Variants in EEFSEC observed in about 807,000 individuals in gnomAD.
The protein encoded by EEFSEC is selenocysteine-specific elongation factor.
In EEFSEC, 43 loss-of-function variants were observed where a neutral mutation model predicts 42.1. The observed-to-expected ratio is 1.02, with a 90% CI of 0.80 to 1.32. The LOEUF is 1.32. Ranked by LOEUF, EEFSEC falls within the 40% of genes most tolerant of loss-of-function variation. The pLI, the probability that EEFSEC is intolerant of heterozygous loss-of-function variation, is 0.00. For synonymous variants in EEFSEC, 354 were observed against 339.1 expected (o/e 1.04, Z -0.48); for missense variants, 745 against 803.6 (o/e 0.93, Z 0.88).
rs2066824376 is a variant in EEFSEC at position 128,306,142 on chromosome 3, T to C, written c.787-35091T>C. On this transcript the variant is annotated intron_variant, in intron 4 of 6. Coordinates refer to ENST00000254730, the MANE Select transcript of EEFSEC (RefSeq NM_021937.5). ...AGAATATGGTCTGTGTCATGTCAGC[T>C]GTTTGGAGTTTATTGAGTTTTCCTT... 2.0e-5 allele frequency among the ~76,000 whole-genome samples: 3 copies of C among 152,364 alleles called. No individual in the cohort carries two copies. In the South Asian group the frequency reaches 6.2e-4, roughly 32 times the overall value.
chr3:128,375,189 T>G (rs1365899366), intron 6 of EEFSEC, among the ~76,000 whole-genome samples: 1 of 152,096 alleles, frequency 6.6e-6, no homozygotes, highest in Non-Finnish European at 1.5e-5. Context: ...TGAGTTCGAG[T>G]GTGTTTCTCT....
At chr3:128,420,892 G>T in the EEFSEC span, among the ~76,000 whole-genome samples, 39 of 152,242 alleles carry the variant, frequency 2.6e-4, no homozygotes, top group African/African-American at 9.1e-4. Context: ...GGAAACATAT[G>T]CAGGTTCCAG....
intron 1 of EEFSEC, among the ~76,000 whole-genome samples, chr3:128,172,242 T>C (rs947368430): frequency 5.1e-4 from 78 of 152,328 alleles, no homozygotes; most frequent in Non-Finnish European, 9.3e-4. Context: ...AGAGTTTAAC[T>C]GAAAACAGCA....
At chr3:128,377,315 G>C (rs2067721461) in intron 6 of EEFSEC, among the ~76,000 whole-genome samples, 2 of 151,976 alleles carry the variant, frequency 1.3e-5, no homozygotes, top group African/African-American at 4.8e-5. Context: ...GAACCACGTA[G>C]TGATTAAGAG....
intron 1 of EEFSEC, among the ~76,000 whole-genome samples, chr3:128,176,775 T>C (rs1046323912): frequency 2.0e-5 from 3 of 152,142 alleles, no homozygotes; most frequent in Non-Finnish European, 2.9e-5. Context: ...ACTTCCTTGT[T>C]TGCAAGATCA....
At chr3:128,184,177 A>G (rs1237687650) in intron 1 of EEFSEC, among the ~76,000 whole-genome samples, 2 of 152,258 alleles carry the variant, frequency 1.3e-5, no homozygotes, top group African/African-American at 2.4e-5. Context: ...AAAAATTGTG[A>G]TAACATATTC....
intron 4 of EEFSEC, among the ~76,000 whole-genome samples, chr3:128,319,705 G>A (rs747697287): frequency 3.3e-5 from 5 of 152,140 alleles, no homozygotes; most frequent in African/African-American, 7.2e-5. Flanking sequence ...CTATTCTTAC[G>A]TCCAGGTCAC....
chr3:128,221,942 C>T (rs116028780), intron 1 of EEFSEC, among the ~76,000 whole-genome samples: 91 of 151,566 alleles, frequency 6.0e-4, no homozygotes, highest in African/African-American at 2.2e-3. Context: ...GCAGTCATTG[C>T]CATGTGCTTT....
chr3:128,391,212 A>G (rs1376378181), intron 6 of EEFSEC, among the ~76,000 whole-genome samples: 1 of 152,236 alleles, frequency 6.6e-6, no homozygotes, highest in Non-Finnish European at 1.5e-5. Context: ...CAGCCATGGC[A>G]TTCTCCAAAC....
At position 128,321,213 on chromosome 3, in the gene EEFSEC, G is replaced by A. The variant is rs376868402; in HGVS notation, c.787-20020G>A. Among the ~76,000 whole-genome samples, 9 of 152,252 alleles carry A rather than the reference G, an allele frequency of 5.9e-5. No homozygotes were observed. In the South Asian group the frequency reaches 1.0e-3, roughly 18 times the overall value. The stretch of plus-strand genomic sequence containing the variant: ...CTCTGGGGGAGAGTGCTGTGCTCCC[G>A]GGATGGGCTGGGGCAAGGAGCTGAG... On this transcript the variant is annotated intron_variant, in intron 4 of 6. Transcript: ENST00000254730.
chr3:128,411,351 C>T (rs1576715452), downstream of EEFSEC, among the ~76,000 whole-genome samples: 1 of 152,214 alleles, frequency 6.6e-6, no homozygotes, highest in Non-Finnish European at 1.5e-5. Flanking sequence ...CATCTACCCA[C>T]AGCAGTGATG....
intron 1 of EEFSEC, among the ~76,000 whole-genome samples, chr3:128,169,153 G>A (rs1355893303): frequency 1.3e-5 from 2 of 152,204 alleles, no homozygotes; most frequent in African/African-American, 2.4e-5. Context: ...GGGACTAATG[G>A]ATGTGGGGCA....
chr3:128,255,423 C>T (rs567640237), intron 2 of EEFSEC, among the ~76,000 whole-genome samples: 3 of 152,292 alleles, frequency 2.0e-5, no homozygotes, highest in Admixed American at 6.5e-5. Context: ...TGCTCTTGAC[C>T]TTCAGGAACT....
chr3:128,312,111 A>G (rs1261342432), intron 4 of EEFSEC, among the ~76,000 whole-genome samples: 3 of 152,230 alleles, frequency 2.0e-5, no homozygotes, highest in African/African-American at 4.8e-5. Context: ...CTGTACCGTC[A>G]AGAGTTCCAT....
intron 4 of EEFSEC, among the ~76,000 whole-genome samples, chr3:128,338,142 TATTC>T (rs1214074647): frequency 1.3e-5 from 2 of 152,258 alleles, no homozygotes; most frequent in South Asian, 4.1e-4. Flanking sequence ...CACAATGCCT[TATTC>T]ATACAGTTCA....
At chr3:128,287,048 A>G (rs2066593470) in intron 4 of EEFSEC, among the ~76,000 whole-genome samples, 1 of 152,174 alleles carries the variant, frequency 6.6e-6, no homozygotes, top group African/African-American at 2.4e-5. Context: ...CCACTGACAC[A>G]AGATTGTGAA....
chr3:128,321,703 AT>A (rs1203369853), intron 4 of EEFSEC, among the ~76,000 whole-genome samples: 1 of 152,150 alleles, frequency 6.6e-6, no homozygotes. Context: ...AGGAGCATGT[AT>A]TCCATTCAGT....
At chr3:128,324,413 T>G (rs961043649) in intron 4 of EEFSEC, among the ~76,000 whole-genome samples, 21 of 152,274 alleles carry the variant, frequency 1.4e-4, no homozygotes, top group African/African-American at 5.1e-4. Context: ...ATGCTGTCTT[T>G]CAGGACTTCC....
chr3:128,425,800 C>T, the EEFSEC span, among the ~76,000 whole-genome samples: 29 of 152,156 alleles, frequency 1.9e-4, no homozygotes, highest in African/African-American at 6.8e-4. Flanking sequence ...TTGGCAAGGG[C>T]TCCAAGGGCA....
Sources: allele counts gnomAD v4.1 joint callset (sites outside exome capture counted in the v4.1 genomes callset), GRCh38; gene constraint gnomAD v4.1.1; transcripts MANE v1.5; gene names NCBI Gene and HGNC (gene_info 2026-07-23, HGNC 2026-07-21).